Variants in MORF4L1 observed in about 807,000 individuals in gnomAD.
The protein encoded by MORF4L1 is mortality factor 4 like 1, also known as mortality factor 4-like protein 1.
In MORF4L1, 4 loss-of-function variants were observed where a neutral mutation model predicts 52.9. The observed-to-expected ratio is 0.08, with a 90% CI of 0.04 to 0.17. MORF4L1 has a LOEUF of 0.17. Among genes scored for constraint, MORF4L1 ranks in the 10% least tolerant of loss-of-function variants. MORF4L1 has a pLI of 1.00. For synonymous variants in MORF4L1, 123 were observed against 134.8 expected, an observed-to-expected ratio of 0.91 and a Z score of 0.61; for missense variants, 214 against 390.4, an observed-to-expected ratio of 0.55 and a Z score of 3.81.
At position 78,873,138 on chromosome 15, in the gene MORF4L1, C is replaced by A; in HGVS notation, c.40+81C>A. The A allele has an allele frequency of 1.3e-6, 2 of 1,543,116 alleles. 1 individual carries two copies. Among genetic ancestry groups the A allele is most frequent in the South Asian group, 2.4e-5 (2 of 83,396 alleles). The stretch of plus-strand genomic sequence containing the variant: ...CTCGAGGTGATTGAGGCTTGAGGGC[C>A]GGGGGCGGCGCGGGCTGCGCCCTGA... On this transcript the variant is annotated intron_variant, in intron 1 of 11. Transcript: ENST00000426013.
Position 78,873,067 on chromosome 15 carries a change from C to T in MORF4L1, c.40+10C>T. 2 of 1,550,838 alleles carry T rather than the reference C, an allele frequency of 1.3e-6. No individual in the cohort carries two copies. Among genetic ancestry groups the T allele is most frequent in the African/African-American group, 1.4e-5 (1 of 73,108 alleles). On this transcript the variant is annotated intron_variant, in intron 1 of 11. Coordinates refer to ENST00000426013, the MANE Select transcript of MORF4L1 (RefSeq NM_006791.4). ...CCTAAATTCCAGGAGGGTGAGTGTG[C>T]GCCTTTGGGAAAAAGGCACCTAACG...
chr15:78,876,278 A>G (rs1048367576), intron 1 of MORF4L1, among the ~76,000 whole-genome samples: 7 of 152,110 alleles, frequency 4.6e-5, no homozygotes, highest in African/African-American at 1.7e-4. Context: ...TTGTTAAAAA[A>G]AAAACAACTC....
At chr15:78,874,426 G>C (rs1171780841) in intron 1 of MORF4L1, among the ~76,000 whole-genome samples, 3 of 152,082 alleles carry the variant, frequency 2.0e-5, no homozygotes, top group Non-Finnish European at 4.4e-5. Context: ...AGGCTGTAGT[G>C]CAGTGACGCT....
intron 5 of MORF4L1, among the ~76,000 whole-genome samples, chr15:78,889,689 AACAG>A (rs1171503344): frequency 2.6e-5 from 4 of 152,216 alleles, no homozygotes; most frequent in Non-Finnish European, 5.9e-5. Flanking sequence ...TTACAAAACT[AACAG>A]ACAAGAGAAA....
At chr15:78,895,808 C>A (rs1375399335) in intron 11 of MORF4L1, among the ~76,000 whole-genome samples, 1 of 152,124 alleles carries the variant, frequency 6.6e-6, no homozygotes, top group Non-Finnish European at 1.5e-5. Context: ...TGAATTTTCT[C>A]ATTACAATCG....
chr15:78,884,675 AC>A (rs2056667429), intron 3 of MORF4L1, among the ~76,000 whole-genome samples: 9 of 149,780 alleles, frequency 6.0e-5, no homozygotes, highest in Admixed American at 1.3e-4. Context: ...ACACACACAC[AC>A]ACACACACAC....
chr15:78,880,554 A>C lies in MORF4L1; in HGVS notation c.130A>C (p.Ile44Leu), dbSNP rs771802761. ...AAAGGACAAACAAGTGAAATACTTC[A>C]TACATTACAGTGGTTGGAATAAAAA... is the stretch of plus-strand genomic sequence containing the variant. The part of the protein sequence containing the change: ...AIKDKQVKYF[I>L]HYSGWNKNWD... Residue 44 changes from isoleucine to leucine, a missense_variant, in exon 3 of 12, where the codon ATA (isoleucine) becomes CTA (leucine). Physicochemically the swap from Ile to Leu is conservative, Grantham distance 5. This residue lies in a region of MORF4L1 where 32 missense variants were observed against 51.1 expected (regional missense o/e 0.63). Coordinates refer to ENST00000426013, the MANE Select transcript of MORF4L1 (RefSeq NM_006791.4). 6.2e-7 allele frequency: 1 copy of C among 1,602,288 alleles called. No individual in the cohort carries two copies. Among genetic ancestry groups the C allele is most frequent in the Admixed American group, 1.7e-5 (1 of 58,100 alleles).
intron 2 of MORF4L1, among the ~76,000 whole-genome samples, chr15:78,879,131 A>G (rs1280979858): frequency 2.0e-5 from 3 of 152,126 alleles, no homozygotes; most frequent in African/African-American, 7.2e-5. Flanking sequence ...AGCTACTCAG[A>G]AGGCTGAGGC....
At position 78,881,265 on chromosome 15, in the gene MORF4L1, G is replaced by T. The variant is rs542526869; in HGVS notation, c.155+686G>T. 3.7e-5 allele frequency among the ~76,000 whole-genome samples: 5 copies of T among 135,968 alleles called. No homozygotes were observed. The South Asian group carries it at 7.5e-4, about 20-fold the overall frequency. The allele number at this position is 135,968 out of a possible 152,430, so 89.2% of individuals were successfully genotyped here. A position where few individuals can be genotyped will look rare whatever the true frequency, so the allele number is the denominator to read the frequency against. Reference sequence around the variant, plus strand: ...CTGGAGTGTGCAATGGTGTGAGCTCGGCTCACTGCAACCTCCGCCTCAGGG... The same window carrying T: ...CTGGAGTGTGCAATGGTGTGAGCTCTGCTCACTGCAACCTCCGCCTCAGGG... On this transcript the variant is annotated intron_variant, in intron 3 of 11. Transcript: ENST00000426013.
At chr15:78,877,113 A>AT (rs60811430) in intron 1 of MORF4L1, among the ~76,000 whole-genome samples, 17 of 60,954 alleles carry the variant, frequency 2.8e-4, no homozygotes, top group African/African-American at 8.7e-4. Flanking sequence ...CGCCCGGCTG[A>AT]TTTTTTTTTT....
At chr15:78,893,707 AC>A (rs1409385394) in intron 9 of MORF4L1, 80 bp downstream of exon 9, 1 of 915,174 alleles carries the variant, frequency 1.1e-6, no homozygotes, top group African/African-American at 1.7e-5. Flanking sequence ...ACTTGTACTG[AC>A]TCCGAAACAT....
Position 78,890,989 on chromosome 15 carries a change from G to A in MORF4L1, c.324G>A (p.Val108=), listed in dbSNP as rs2056791393. 6.9e-7 allele frequency: 1 copy of A among 1,456,926 alleles called. No individual in the cohort carries two copies. Among genetic ancestry groups the A allele is most frequent in the African/African-American group, 1.4e-5 (1 of 69,952 alleles). 90.2% of individuals were successfully genotyped at this position (1,456,926 alleles called of 1,614,324 possible). The change falls in exon 6 of 12, where the codon GTG becomes GTA. Residue 108 remains valine, a splice_region_variant and synonymous_variant. Transcript: ENST00000426013. The part of the protein sequence containing the change: ...TSGLQQKNVE[V]KTKKNKQKTP... Reference sequence around the variant, plus strand: ...TTTTCTTTTTTTTCTCTCCTTTTAGGAAAACGAAAAAGAACAAACAGAAAA... The same window carrying A: ...TTTTCTTTTTTTTCTCTCCTTTTAGAAAAACGAAAAAGAACAAACAGAAAA...
rs1214490172 is a variant in MORF4L1, at chr15:78,897,364, AT to A, written c.*299del. ...GCTGCTTTTGAATGCTGGTGGTTCT[AT>A]TCCTTTGACACTACGCACTTTTATA... On this transcript the variant is annotated 3_prime_UTR_variant, in exon 12 of 12. Coordinates refer to ENST00000426013, the MANE Select transcript of MORF4L1 (RefSeq NM_006791.4). The A allele has an allele frequency of 7.4e-6, 2 of 269,898 alleles. No individual in the cohort carries two copies. The highest frequency in any genetic ancestry group is 4.4e-5 in the African/African-American group (2 of 45,762). 16.7% of individuals were successfully genotyped at this position (269,898 alleles called of 1,614,324 possible). A position where few individuals can be genotyped will look rare whatever the true frequency, so the allele number is the denominator to read the frequency against.
At chr15:78,893,427 C>T in intron 8 of MORF4L1, 112 bp from the exon 9 acceptor site, 2 of 715,778 alleles carry the variant, frequency 2.8e-6, no homozygotes, top group Middle Eastern at 7.1e-4. Context: ...TAGTATCTTT[C>T]CTAATTTGAA....
chr15:78,881,015 A>T (rs1339493251), intron 3 of MORF4L1, among the ~76,000 whole-genome samples: 1 of 151,964 alleles, frequency 6.6e-6, no homozygotes, highest in Non-Finnish European at 1.5e-5. Context: ...AGGGGAAAGG[A>T]TAAAGGTTGC....
At chr15:78,885,201 A>G (rs2056679191) in intron 3 of MORF4L1, 5 of 792,922 alleles carry the variant, frequency 6.3e-6, no homozygotes, top group East Asian at 5.7e-5. Flanking sequence ...AACAAAAGAA[A>G]GTCTTAAATT....
intron 1 of MORF4L1, among the ~76,000 whole-genome samples, chr15:78,875,944 GT>G (rs2056480131): frequency 1.3e-5 from 2 of 150,164 alleles, no homozygotes; most frequent in South Asian, 4.2e-4. Flanking sequence ...GTTTTGTTTT[GT>G]TTTTTTCTTT....
chr15:78,893,194 C>T (rs554620388), intron 8 of MORF4L1, among the ~76,000 whole-genome samples: 6 of 152,288 alleles, frequency 3.9e-5, no homozygotes, highest in South Asian at 2.1e-4. Context: ...AAGGCACATT[C>T]GTGTCTGTTA....
chr15:78,883,194 G>A (rs576603315), intron 3 of MORF4L1, among the ~76,000 whole-genome samples: 1 of 135,166 alleles, frequency 7.4e-6, no homozygotes, highest in Non-Finnish European at 1.6e-5. Flanking sequence ...TAGCCTAGGC[G>A]ACAGAGTGAG....
Sources: allele counts gnomAD v4.1 joint callset (sites outside exome capture counted in the v4.1 genomes callset), GRCh38; gene constraint gnomAD v4.1.1; regional missense constraint gnomAD v4.1.1; transcripts MANE v1.5; gene names NCBI Gene and HGNC (gene_info 2026-07-23, HGNC 2026-07-21).